Variants in CABP2 observed in about 807,000 individuals in gnomAD.
CABP2 encodes the protein calcium binding protein 2.
Under a neutral mutation model 28.6 loss-of-function variants are expected in CABP2, and 25 were observed. That is an observed-to-expected ratio of 0.87 (90% confidence interval 0.64 to 1.22). CABP2 has a LOEUF of 1.22. Ranked by LOEUF, CABP2 falls within the 50% of genes most tolerant of loss-of-function variation. The probability of loss-of-function intolerance (pLI) is 0.00; values close to 1 mark genes in which losing one functional copy is unlikely to be tolerated. For synonymous variants in CABP2, 138 were observed against 126.0 expected (o/e 1.09, Z -0.64); for missense variants, 310 against 312.2 (o/e 0.99, Z 0.05).
At chr11:67,520,238 C>G in intron 4 of CABP2, 78 bp from the exon 5 acceptor site, 1 of 888,496 alleles carries the variant, frequency 1.1e-6, no homozygotes, top group Non-Finnish European at 1.9e-6. Flanking sequence ...CTGCCCTCTG[C>G]CTTCCCTTCG....
chr11:67,519,101 C>CTTGA lies in CABP2; in HGVS notation c.*34_*37dup, dbSNP rs1293845678. 2 of 1,612,296 alleles carry CTTGA rather than the reference C, an allele frequency of 1.2e-6. No individual in the cohort carries two copies. The highest frequency in any genetic ancestry group is 2.2e-5 in the South Asian group (2 of 91,030). ...ATGCTGGTGGGCAGAGGCTGTGGTC[C>CTTGA]TTGAGTCCTTTATGCTGCCTCCAGC... On this transcript the variant is annotated 3_prime_UTR_variant, in exon 7 of 7. Transcript: ENST00000294288.
At chr11:67,521,569 ACT>A (rs547618392) in intron 3 of CABP2, among the ~76,000 whole-genome samples, 2 of 152,096 alleles carry the variant, frequency 1.3e-5, no homozygotes, top group East Asian at 3.9e-4. Context: ...CACCATTTGT[ACT>A]TGTAGCTGAC....
At position 67,522,612 on chromosome 11, in the gene CABP2, C is replaced by T. The variant is rs1330939152; in HGVS notation, c.147G>A (p.Ser49=). Residue 49 remains serine, a synonymous_variant, in exon 2 of 7, where the codon TCG becomes TCA. Coordinates refer to ENST00000294288, the MANE Select transcript of CABP2 (RefSeq NM_016366.3). The stretch of plus-strand genomic sequence containing the variant: ...CAGGCCCCACCAGGCTGTTGAGCAC[C>T]GAGTAGCCCTGGACGCCTGGCGCGG... The part of the protein sequence containing the change: ...GDPAPGVQGY[S]VLNSLVGPAC... 3.0e-5 allele frequency: 47 copies of T among 1,550,988 alleles called. No homozygotes were observed. Among genetic ancestry groups the T allele is most frequent in the Middle Eastern group, 1.7e-4 (1 of 5,900 alleles).
At position 67,519,948 on chromosome 11, in the gene CABP2, G is replaced by A. The variant is rs776117741; in HGVS notation, c.490-8C>T. On this transcript the variant is annotated splice_polypyrimidine_tract_variant and splice_region_variant and intron_variant, in intron 5 of 6. Transcript: ENST00000294288. ...GTCCCCATTGGTGTCGAACTGTGGC[G>A]GCGTTGGTTGTGGCGTCTGGTCACT... 20 of 1,603,356 alleles carry A rather than the reference G, an allele frequency of 1.2e-5. No homozygotes were observed. The highest frequency in any genetic ancestry group is 1.7e-6 in the Non-Finnish European group (2 of 1,176,728).
At chr11:67,519,579 TG>T (rs1319789308) in intron 6 of CABP2, among the ~76,000 whole-genome samples, 1 of 152,230 alleles carries the variant, frequency 6.6e-6, no homozygotes, top group Non-Finnish European at 1.5e-5. Context: ...CTTGCTTTTT[TG>T]CTAAGTGCCT....
At chr11:67,520,941 C>G (rs933021772) in intron 4 of CABP2, 84 bp downstream of exon 4, 2 of 1,432,638 alleles carry the variant, frequency 1.4e-6, no homozygotes, top group African/African-American at 2.8e-5. Flanking sequence ...TGTGCAGTCA[C>G]CTGTGTACCT....
intron 2 of CABP2, 33 bp from the exon 3 acceptor site, chr11:67,522,015 C>T: frequency 6.2e-7 from 1 of 1,603,812 alleles, no homozygotes; most frequent in Non-Finnish European, 8.5e-7. Flanking sequence ...GAATTCCCTG[C>T]TCCTACTGAT....
intron 6 of CABP2, 54 bp from the exon 7 acceptor site, chr11:67,519,218 G>T: frequency 6.3e-7 from 1 of 1,599,196 alleles, no homozygotes; most frequent in Non-Finnish European, 8.6e-7. Flanking sequence ...CGCTAGGAGT[G>T]AGGATCATCT....
In CABP2 at chr11:67,519,856, G is replaced by A. The variant is rs368718413; in HGVS notation, c.574C>T (p.Arg192Trp). 5 of 1,613,762 alleles carry A rather than the reference G, an allele frequency of 3.1e-6. No individual in the cohort carries two copies. The highest frequency in any genetic ancestry group is 2.7e-5 in the African/African-American group (2 of 75,036). The part of the protein sequence containing the change: ...KALLGERLSQ[R>W]EVDEILQDVD... Reference sequence around the variant, plus strand: ...TCCTGGAGGATCTCGTCCACCTCCCGCTGGCTGAGGCGCTCCCCCAGCAGG... The same window carrying A: ...TCCTGGAGGATCTCGTCCACCTCCCACTGGCTGAGGCGCTCCCCCAGCAGG... Residue 192 changes from arginine (R) to tryptophan (W), a missense_variant, in exon 6 of 7, where the codon CGG becomes TGG. By Grantham distance (101) the Arg-to-Trp change is moderately radical. Transcript: ENST00000294288.
Position 67,518,985 on chromosome 11 carries a change from T to C in CABP2, c.*154A>G. 1.5e-6 allele frequency: 1 copy of C among 677,140 alleles called. No homozygotes were observed. The highest frequency in any genetic ancestry group is 1.8e-5 in the South Asian group (1 of 56,082). 41.9% of individuals were successfully genotyped at this position (677,140 alleles called of 1,614,324 possible). ...CCAGGCGGCTTTATTGGAGAAGTGGTGGTGGGGGTGAAGGCAGGCAAGGGC... is the reference window on the plus strand; with the variant it reads ...CCAGGCGGCTTTATTGGAGAAGTGGCGGTGGGGGTGAAGGCAGGCAAGGGC... On this transcript the variant is annotated 3_prime_UTR_variant, in exon 7 of 7. Coordinates refer to ENST00000294288, the MANE Select transcript of CABP2 (RefSeq NM_016366.3).
rs181479937 is a variant in CABP2, at chr11:67,519,182, A to G, written c.638-18T>C. 1.6e-5 allele frequency: 25 copies of G among 1,612,504 alleles called. No homozygotes were observed. The highest frequency in any genetic ancestry group is 3.3e-5 in the Admixed American group (2 of 59,910). On this transcript the variant is annotated intron_variant, in intron 6 of 6. Coordinates refer to ENST00000294288, the MANE Select transcript of CABP2 (RefSeq NM_016366.3). ...CACAAACTCTGCCAGGACGAAGCCA[A>G]GGTTTTGGGTCTGTTCTCTGGACTG...
chr11:67,519,673 A>G (rs1388759043), intron 6 of CABP2, 120 bp downstream of exon 6: 2 of 882,554 alleles, frequency 2.3e-6, no homozygotes, highest in Admixed American at 2.3e-5. Context: ...ATAATTAACT[A>G]GGAGAGGACA....
At chr11:67,521,545 C>G (rs1866747765) in intron 3 of CABP2, among the ~76,000 whole-genome samples, 1 of 152,184 alleles carries the variant, frequency 6.6e-6, no homozygotes, top group Admixed American at 6.5e-5. Context: ...TGTCCCTTTC[C>G]TGGAGAGCAC....
At chr11:67,522,852 G>A (rs1308161203) in intron 1 of CABP2, 136 bp from the exon 2 acceptor site, 7 of 753,732 alleles carry the variant, frequency 9.3e-6, no homozygotes, top group Non-Finnish European at 4.1e-6. Flanking sequence ...GGGGGGTAGA[G>A]AGAGGACCCT....
At chr11:67,523,184 C>T in intron 1 of CABP2, 101 bp downstream of exon 1, 1 of 954,206 alleles carries the variant, frequency 1.0e-6, no homozygotes, top group South Asian at 1.5e-5. Flanking sequence ...AGTGGGCAGC[C>T]CCCAACCCCG....
Position 67,523,282 on chromosome 11 carries a change from T to G in CABP2, c.42+3A>C, listed in dbSNP as rs1866778869. ...CCTGGGTTTCTCCCCTGACCCCTCC[T>G]ACCTTAGGGCCCCGGCGCCAGGGCC... On this transcript the variant is annotated splice_donor_region_variant and intron_variant, in intron 1 of 6. Coordinates refer to ENST00000294288, the MANE Select transcript of CABP2 (RefSeq NM_016366.3). 1.3e-6 allele frequency: 2 copies of G among 1,554,100 alleles called. No homozygotes were observed.
rs1444002696 is a variant in CABP2, at chr11:67,521,131, G to A, written c.273C>T (p.Asp91=). ...EELQVAFQEF[D]RDRDGYIGCR... ...AGCCAATGTAGCCGTCCCGGTCTCG[G>A]TCAAACTCCTGGAAGGCGACCTGCA... The change falls in exon 4 of 7, where the codon GAC becomes GAT. Residue 91 remains aspartate, a synonymous_variant. Transcript: ENST00000294288. 2 of 1,613,206 alleles carry A rather than the reference G, an allele frequency of 1.2e-6. No homozygotes were observed. The highest frequency in any genetic ancestry group is 1.1e-5 in the South Asian group (1 of 91,074).
chr11:67,519,511 T>C (rs1375278374), intron 6 of CABP2, among the ~76,000 whole-genome samples: 3 of 152,220 alleles, frequency 2.0e-5, no homozygotes, highest in East Asian at 1.9e-4. Flanking sequence ...GAATGCAGCA[T>C]AGAGGAAGAG....
chr11:67,521,894 C>T, intron 3 of CABP2, 58 bp downstream of exon 3: 1 of 1,207,478 alleles, frequency 8.3e-7, no homozygotes, highest in Non-Finnish European at 1.2e-6. Context: ...GTGTCCCCAC[C>T]CCATGCCCCC....
Sources: gnomAD v4.1 joint callset for allele counts (sites outside exome capture counted in the v4.1 genomes callset) on GRCh38, gnomAD v4.1.1 for gene constraint, MANE v1.5 for transcripts, NCBI Gene and HGNC (gene_info 2026-07-23, HGNC 2026-07-21) for gene names.